PPP1R26: variants seen among roughly 807,000 people sequenced by gnomAD.
The protein encoded by PPP1R26 is protein phosphatase 1 regulatory subunit 26.
A neutral mutation model predicts 67.6 loss-of-function variants in PPP1R26; 22 were observed. The observed-to-expected ratio is 0.33, with a 90% CI of 0.23 to 0.46. PPP1R26 has a LOEUF of 0.46. Among genes scored for constraint, PPP1R26 ranks in the 20% least tolerant of loss-of-function variants. The probability of loss-of-function intolerance (pLI) is 1.00; values close to 1 mark genes in which losing one functional copy is unlikely to be tolerated. For synonymous variants in PPP1R26, 729 were observed against 717.2 expected (o/e 1.02, Z -0.26); for missense variants, 1,602 against 1,651.4 (o/e 0.97, Z 0.52).
chr9:135,479,479 G>A (rs533630434), upstream of PPP1R26, among the ~76,000 whole-genome samples: 3 of 150,158 alleles, frequency 2.0e-5, no homozygotes, highest in East Asian at 3.9e-4. The surrounding 1 kb of genome is among the most constrained non-coding windows in gnomAD (Gnocchi z 5.9). Flanking sequence ...TACGGGAGGC[G>A]GGCAGCACGG....
At position 135,488,049 on chromosome 9, in the gene PPP1R26, A is replaced by G. The variant is rs760848896; in HGVS notation, c.3539A>G (p.Asp1180Gly). The G allele has an allele frequency of 4.4e-6, 7 of 1,604,500 alleles. No homozygotes were observed. In the South Asian group the frequency reaches 4.5e-5, roughly 10 times the overall value. Residue 1180 changes from aspartate (D) to glycine (G), a missense_variant, in exon 4 of 4, where the codon GAC becomes GGC. Coordinates refer to ENST00000356818, the MANE Select transcript of PPP1R26 (RefSeq NM_014811.5). Reference sequence around the variant, plus strand: ...TATCGACGAAGGGTCAACAGGGATGACCAGGAGCAGGACGCCTTGGGCAGT... The same window carrying G: ...TATCGACGAAGGGTCAACAGGGATGGCCAGGAGCAGGACGCCTTGGGCAGT... ...LRYRRRVNRD[D>G]QEQDALGSDA...
chr9:135,484,526 G>A lies in PPP1R26; in HGVS notation c.16G>A (p.Ala6Thr), dbSNP rs139821365. MFLMN[A>T]SPVVALQSKW... is the part of the protein sequence containing the mutation. ...GTCTGCTAGAATGTTTCTCATGAAC[G>A]CTTCTCCAGTGGTTGCTCTCCAGTC... Residue 6 changes from alanine (A) to threonine (T), a missense_variant, in exon 4 of 4, where the codon GCT becomes ACT. Transcript: ENST00000356818. 6.6e-5 allele frequency: 105 copies of A among 1,597,386 alleles called. No homozygotes were observed. The highest frequency in any genetic ancestry group is 1.8e-4 in the East Asian group (8 of 44,748).
Position 135,485,638 on chromosome 9 carries a change from G to C in PPP1R26, c.1128G>C (p.Gln376His). The C allele has an allele frequency of 6.2e-7, 1 of 1,612,962 alleles. No individual in the cohort carries two copies. Among genetic ancestry groups the C allele is most frequent in the Non-Finnish European group, 8.5e-7 (1 of 1,180,026 alleles). ...TTGAGGAGGCCATCCAGCTGTACCA[G>C]CTGCAGAAAACACGCAAGGAGGCCG... ...DGIEEAIQLY[Q>H]LQKTRKEADG... Residue 376 changes from glutamine to histidine, a missense_variant, in exon 4 of 4, where the codon CAG becomes CAC. Around this residue, in one of 5 missense-constraint regions of PPP1R26, gnomAD observed 680 missense variants for 726.1 expected, o/e 0.94. Coordinates refer to ENST00000356818, the MANE Select transcript of PPP1R26 (RefSeq NM_014811.5). The surrounding 1 kb of genome is among the most constrained non-coding windows in gnomAD (Gnocchi z 7.2).
chr9:135,482,285 G>C (rs1470423991), intron 1 of PPP1R26, among the ~76,000 whole-genome samples: 2 of 152,224 alleles, frequency 1.3e-5, no homozygotes, highest in Admixed American at 1.3e-4. Flanking sequence ...TTGCTAGCCA[G>C]TGAAAGAGCT....
chr9:135,488,810 GCC>G lies in PPP1R26; in HGVS notation c.*672_*673del, dbSNP rs2119336019. 1 of 167,148 alleles carries G rather than the reference GCC, an allele frequency of 6.0e-6. No individual in the cohort carries two copies. Among genetic ancestry groups the G allele is most frequent in the South Asian group, 2.1e-4 (1 of 4,826 alleles). The allele number at this position is 167,148 out of a possible 1,614,324, so 10.4% of individuals were successfully genotyped here. On this transcript the variant is annotated 3_prime_UTR_variant, in exon 4 of 4. Coordinates refer to ENST00000356818, the MANE Select transcript of PPP1R26 (RefSeq NM_014811.5). The stretch of plus-strand genomic sequence containing the variant: ...TCAGCGGCAGCTGCTCGGCAGCCCA[GCC>G]CTGGGCCTGGGTGGGTTCATGTCCA...
At position 135,479,989 on chromosome 9, in the gene PPP1R26, G is replaced by A. The variant is rs1188455495; in HGVS notation, c.-362G>A. On this transcript the variant is annotated 5_prime_UTR_variant, in exon 1 of 4. Transcript: ENST00000356818. The surrounding 1 kb of genome is among the most constrained non-coding windows in gnomAD (Gnocchi z 5.9). ...GGACGTGGGACGCGGGCGCAGGCGG[G>A]GTCCGCGCGGCGGGCGGCGGGGGAC... The A allele has an allele frequency of 6.9e-6, 1 of 145,806 alleles. No homozygotes were observed. The highest frequency in any genetic ancestry group is 6.8e-5 in the Admixed American group (1 of 14,726). 9.0% of individuals were successfully genotyped at this position (145,806 alleles called of 1,614,324 possible).
chr9:135,486,791 A>G lies in PPP1R26; in HGVS notation c.2281A>G (p.Ser761Gly), dbSNP rs755823460. 1.9e-6 allele frequency: 3 copies of G among 1,596,130 alleles called. No homozygotes were observed. Among genetic ancestry groups the G allele is most frequent in the African/African-American group, 2.7e-5 (2 of 74,674 alleles). Reference sequence around the variant, plus strand: ...CTGCCTCTCCAAGTCCAAGAGAGACAGTGGCGAGGGTCCTGGGAAGAAACC... The same window carrying G: ...CTGCCTCTCCAAGTCCAAGAGAGACGGTGGCGAGGGTCCTGGGAAGAAACC... Reference protein sequence around the residue: ...KSCLSKSKRDSGEGPGKKPPS... With the variant: ...KSCLSKSKRDGGEGPGKKPPS... The change falls in exon 4 of 4, where the codon AGT becomes GGT. Residue 761 changes from serine to glycine, a missense_variant. Transcript: ENST00000356818. This position sits in a 1 kb window ranked among gnomAD's most constrained non-coding sequence, Gnocchi z 6.2.
At chr9:135,482,636 G>A (rs1209770381) in intron 1 of PPP1R26, 47 bp from the exon 2 acceptor site, 11 of 397,988 alleles carry the variant, frequency 2.8e-5, no homozygotes, top group Non-Finnish European at 4.9e-5. Flanking sequence ...ATCAACTGTA[G>A]CTTCAGCCTG....
Position 135,484,933 on chromosome 9 carries a change from G to C in PPP1R26, c.423G>C (p.Leu141=). The change falls in exon 4 of 4, where the codon CTG becomes CTC. Residue 141 remains leucine (L), a synonymous_variant. Coordinates refer to ENST00000356818, the MANE Select transcript of PPP1R26 (RefSeq NM_014811.5). ...TTGAGGAGGCCATCCAGGAGTACCT[G>C]AAGGCAAAGAGTGGAGCCGCACAGC... ...RDIEEAIQEY[L]KAKSGAAQPG... The C allele has an allele frequency of 6.3e-7, 1 of 1,582,832 alleles. No homozygotes were observed. The highest frequency in any genetic ancestry group is 1.3e-5 in the African/African-American group (1 of 74,480).
intron 2 of PPP1R26, chr9:135,483,407 G>A (rs1830593923): frequency 6.6e-6 from 1 of 152,344 alleles, no homozygotes; most frequent in South Asian, 2.1e-4. Flanking sequence ...ATCCATAACA[G>A]AGGCAAAACA....
intron 1 of PPP1R26, among the ~76,000 whole-genome samples, chr9:135,481,942 A>G (rs1301961387): frequency 6.6e-6 from 1 of 152,116 alleles, no homozygotes; most frequent in Non-Finnish European, 1.5e-5. Flanking sequence ...CCATTCTTGA[A>G]CTAGGTGATT....
intron 1 of PPP1R26, among the ~76,000 whole-genome samples, chr9:135,481,236 G>GTTTTTTTTTT (rs35101439): frequency 1.6e-5 from 2 of 121,768 alleles, no homozygotes; most frequent in Non-Finnish European, 3.3e-5. Context: ...GGCTTTTCTT[G>GTTTTTTTTTT]TTTTTTTTTT....
In PPP1R26 at chr9:135,483,938, T is replaced by A. The variant is rs1830610272; in HGVS notation, c.-195-12T>A. ...TTCTGAGTGGCTCACATCATACAAC[T>A]TTCCGTTCCAGGAGCTTGTCGGTTG... On this transcript the variant is annotated splice_polypyrimidine_tract_variant and intron_variant, in intron 2 of 3. Coordinates refer to ENST00000356818, the MANE Select transcript of PPP1R26 (RefSeq NM_014811.5). The A allele has an allele frequency of 7.5e-6, 3 of 398,996 alleles. No homozygotes were observed. The South Asian group carries it at 3.8e-4, about 51-fold the overall frequency. The allele number at this position is 398,996 out of a possible 1,614,324, so 24.7% of individuals were successfully genotyped here.
rs762131476 is a variant in PPP1R26, at chr9:135,488,044, G to A, written c.3534G>A (p.Arg1178=). Residue 1178 remains arginine, a synonymous_variant, in exon 4 of 4, where the codon AGG becomes AGA. Transcript: ENST00000356818. ...TGAGGTATCGACGAAGGGTCAACAGGGATGACCAGGAGCAGGACGCCTTGG... is the reference window on the plus strand; with the variant it reads ...TGAGGTATCGACGAAGGGTCAACAGAGATGACCAGGAGCAGGACGCCTTGG... ...LDLRYRRRVN[R]DDQEQDALGS... 7 of 1,606,552 alleles carry A rather than the reference G, an allele frequency of 4.4e-6. No individual in the cohort carries two copies. Among genetic ancestry groups the A allele is most frequent in the Non-Finnish European group, 5.9e-6 (7 of 1,177,162 alleles).
rs1235686060 is a variant in PPP1R26, at chr9:135,486,625, A to C, written c.2115A>C (p.Arg705=). The change falls in exon 4 of 4, where the codon CGA becomes CGC. Residue 705 remains arginine, a synonymous_variant. Coordinates refer to ENST00000356818, the MANE Select transcript of PPP1R26 (RefSeq NM_014811.5). This position sits in a 1 kb window ranked among gnomAD's most constrained non-coding sequence, Gnocchi z 6.2. ...TCAAGGACTTGTTAAGGTCCAAGCGAAAGCTCAAGAAGAGGTGCAGGGAGC... is the reference window on the plus strand; with the variant it reads ...TCAAGGACTTGTTAAGGTCCAAGCGCAAGCTCAAGAAGAGGTGCAGGGAGC... The part of the protein sequence containing the change: ...TAIKDLLRSK[R]KLKKRCREPR... The C allele has an allele frequency of 6.2e-7, 1 of 1,612,372 alleles. No individual in the cohort carries two copies. The highest frequency in any genetic ancestry group is 1.1e-5 in the South Asian group (1 of 91,008).
In PPP1R26 at chr9:135,487,708, C is replaced by T. The variant is rs774074084; in HGVS notation, c.3198C>T (p.Pro1066=). 12 of 1,449,576 alleles carry T rather than the reference C, an allele frequency of 8.3e-6. No individual in the cohort carries two copies. The highest frequency in any genetic ancestry group is 7.5e-5 in the East Asian group (3 of 40,238). 89.8% of individuals were successfully genotyped at this position (1,449,576 alleles called of 1,614,324 possible). ...AGAGAGACAAGGGGTCCGAGGGCCCCGCCCGGGGCCTGCCCAGCCTGCCCC... is the reference window on the plus strand; with the variant it reads ...AGAGAGACAAGGGGTCCGAGGGCCCTGCCCGGGGCCTGCCCAGCCTGCCCC... ...GSERDKGSEG[P]ARGLPSLPLA... is the part of the protein sequence containing the mutation. Residue 1066 remains proline (P), a synonymous_variant, in exon 4 of 4, where the codon CCC becomes CCT. Coordinates refer to ENST00000356818, the MANE Select transcript of PPP1R26 (RefSeq NM_014811.5).
intron 2 of PPP1R26, 73 bp downstream of exon 2, chr9:135,482,888 C>A (rs982254131): frequency 1.0e-5 from 4 of 394,212 alleles, no homozygotes; most frequent in Non-Finnish European, 1.3e-5. Context: ...TGACTTACTT[C>A]TGAATCTGTC....
Position 135,486,664 on chromosome 9 carries a change from C to T in PPP1R26, c.2154C>T (p.Cys718=), listed in dbSNP as rs1301833360. The part of the protein sequence containing the change: ...KKRCREPRAA[C]RKKVRFSTAQ... ...GGTGCAGGGAGCCCAGGGCTGCGTGCAGGAAGAAGGTCAGGTTCAGCACAG... is the reference window on the plus strand; with the variant it reads ...GGTGCAGGGAGCCCAGGGCTGCGTGTAGGAAGAAGGTCAGGTTCAGCACAG... The change falls in exon 4 of 4, where the codon TGC becomes TGT. Residue 718 remains cysteine (C), a synonymous_variant. Coordinates refer to ENST00000356818, the MANE Select transcript of PPP1R26 (RefSeq NM_014811.5). The surrounding 1 kb of genome is among the most constrained non-coding windows in gnomAD (Gnocchi z 6.2). 1.2e-6 allele frequency: 2 copies of T among 1,608,442 alleles called. No homozygotes were observed. The highest frequency in any genetic ancestry group is 3.4e-5 in the Admixed American group (2 of 59,030).
chr9:135,487,297 T>G lies in PPP1R26; in HGVS notation c.2787T>G (p.Ala929=). The change falls in exon 4 of 4, where the codon GCT becomes GCG. Residue 929 remains alanine (A), a synonymous_variant. Transcript: ENST00000356818. ...GCCAGGGCGGGAAGGGGCTCCCTGC[T>G]GCTCCTGCCCGAGGGGATCCGGTGC... ...LFSQGGKGLP[A]APARGDPVPP... 1 of 1,555,946 alleles carries G rather than the reference T, an allele frequency of 6.4e-7. No individual in the cohort carries two copies. Among genetic ancestry groups the G allele is most frequent in the East Asian group, 2.3e-5 (1 of 44,408 alleles).
Sources: allele counts gnomAD v4.1 joint callset (sites outside exome capture counted in the v4.1 genomes callset), GRCh38; gene constraint gnomAD v4.1.1; regional missense constraint gnomAD v4.1.1; non-coding constraint Gnocchi (gnomAD v3.1); transcripts MANE v1.5; gene names NCBI Gene and HGNC (gene_info 2026-07-23, HGNC 2026-07-21).